The following RTF1 variants were observed in gnomAD, a reference collection of about 807,000 sequenced individuals.
The protein encoded by RTF1 is RTF1 homolog, Paf1/RNA polymerase II complex component, also known as RNA polymerase-associated protein RTF1 homolog.
Under a neutral mutation model 95.7 loss-of-function variants are expected in RTF1, and 10 were observed. The ratio of observed to expected loss-of-function variants is 0.10; its 90% CI spans 0.06 to 0.18. The LOEUF (loss-of-function observed/expected upper bound fraction) is 0.18, where lower values mean the gene tolerates loss of function less well. Among genes scored for constraint, RTF1 ranks in the 10% least tolerant of loss-of-function variants. The pLI is 1.00. For missense variants in RTF1, 458 were observed against 875.6 expected (o/e 0.52, Z 6.02); for synonymous variants, 305 against 311.8 (o/e 0.98, Z 0.23).
At chr15:41,464,711 T>C in intron 4 of RTF1, 60 bp from the exon 5 acceptor site, 1 of 1,403,564 alleles carries the variant, frequency 7.1e-7, no homozygotes. Context: ...TCCTATCTAA[T>C]AGAAATCAGT....
At chr15:41,447,084 T>C (rs1369614008) in intron 2 of RTF1, among the ~76,000 whole-genome samples, 3 of 152,168 alleles carry the variant, frequency 2.0e-5, no homozygotes, top group Non-Finnish European at 4.4e-5. Context: ...ATTACAGGCA[T>C]GAGCCACCAC....
At position 41,482,558 on chromosome 15, in the gene RTF1, A is replaced by T. The variant is rs1217133118; in HGVS notation, c.*1871A>T. 1 of 152,516 alleles carries T rather than the reference A, an allele frequency of 6.6e-6. No individual in the cohort carries two copies. The highest frequency in any genetic ancestry group is 1.5e-5 in the Non-Finnish European group (1 of 68,036). The allele number at this position is 152,516 out of a possible 1,614,324, so 9.4% of individuals were successfully genotyped here. ...CTTTTTTTTTATTTTTAAAGCAGCA[A>T]TGGATGGTTTTAAAGGAGTATTATG... On this transcript the variant is annotated 3_prime_UTR_variant, in exon 18 of 18. Coordinates refer to ENST00000389629, the MANE Select transcript of RTF1 (RefSeq NM_015138.5).
At chr15:41,459,081 AAAAT>A (rs1253849097) in intron 4 of RTF1, among the ~76,000 whole-genome samples, 1 of 147,676 alleles carries the variant, frequency 6.8e-6, no homozygotes, top group Non-Finnish European at 1.5e-5. Flanking sequence ...CAAAAAATAA[AAAAT>A]AAAGGGAATT....
chr15:41,475,498 T>G (rs768787589), intron 9 of RTF1, 27 bp from the exon 10 acceptor site: 6 of 1,591,374 alleles, frequency 3.8e-6, no homozygotes, highest in Non-Finnish European at 4.3e-6. Flanking sequence ...GCACATTTCT[T>G]GGAGATGCTG....
chr15:41,446,378 A>G (rs1391988772), intron 2 of RTF1, among the ~76,000 whole-genome samples: 4 of 151,896 alleles, frequency 2.6e-5, no homozygotes, highest in African/African-American at 4.8e-5. Context: ...AGACCATCCT[A>G]ACCCAGTGAA....
At chr15:41,439,815 C>G (rs1486604092) in intron 2 of RTF1, among the ~76,000 whole-genome samples, 1 of 152,020 alleles carries the variant, frequency 6.6e-6, no homozygotes, top group Admixed American at 6.6e-5. Flanking sequence ...CAGTGCCCGG[C>G]TGATTTTTGT....
chr15:41,475,482 C>T (rs1258219774), intron 9 of RTF1, 43 bp from the exon 10 acceptor site: 1 of 1,523,974 alleles, frequency 6.6e-7, no homozygotes, highest in South Asian at 1.1e-5. Context: ...GTACTACAGT[C>T]AACATGCACA....
intron 1 of RTF1, among the ~76,000 whole-genome samples, chr15:41,431,673 A>AT (rs1002948249): frequency 1.5e-4 from 23 of 151,562 alleles, no homozygotes; most frequent in African/African-American, 3.4e-4. Flanking sequence ...GAGTTTTTGG[A>AT]TTTTTTGTAC....
At chr15:41,452,779 G>C in intron 2 of RTF1, 122 bp from the exon 3 acceptor site, 1 of 702,584 alleles carries the variant, frequency 1.4e-6, no homozygotes, top group Non-Finnish European at 2.1e-6. Context: ...TTTTTCATAT[G>C]AAGTGTATTT....
rs1244779367 is a variant in RTF1, at chr15:41,464,767, C to G, written c.663-4C>G. On this transcript the variant is annotated splice_region_variant and splice_polypyrimidine_tract_variant and intron_variant, in intron 4 of 17. Transcript: ENST00000389629. ...TACTTAAAAACCAAATATCTTTTAACCAGATTTGAAATCAAGAAAAAACTA... is the reference window on the plus strand; with the variant it reads ...TACTTAAAAACCAAATATCTTTTAAGCAGATTTGAAATCAAGAAAAAACTA... 6.4e-7 allele frequency: 1 copy of G among 1,552,300 alleles called. No homozygotes were observed. Among genetic ancestry groups the G allele is most frequent in the East Asian group, 2.3e-5 (1 of 44,352 alleles).
At chr15:41,455,090 C>T (rs538416167) in intron 3 of RTF1, among the ~76,000 whole-genome samples, 25 of 151,566 alleles carry the variant, frequency 1.6e-4, no homozygotes, top group African/African-American at 3.6e-4. Context: ...CCAAGGCAGG[C>T]GGATCACAAG....
chr15:41,441,576 G>A (rs568615703), intron 2 of RTF1, among the ~76,000 whole-genome samples: 27 of 152,128 alleles, frequency 1.8e-4, no homozygotes, highest in African/African-American at 6.3e-4. Flanking sequence ...TTGTGTTAGA[G>A]GAGATCCACA....
At chr15:41,458,296 T>C (rs1203545737) in intron 4 of RTF1, among the ~76,000 whole-genome samples, 2 of 152,158 alleles carry the variant, frequency 1.3e-5, no homozygotes, top group Admixed American at 6.6e-5. Flanking sequence ...CACAGAGATA[T>C]GCACTAAATA....
intron 1 of RTF1, among the ~76,000 whole-genome samples, chr15:41,426,086 C>T (rs1390963978): frequency 1.3e-5 from 2 of 151,514 alleles, no homozygotes; most frequent in Non-Finnish European, 2.9e-5. Flanking sequence ...AGTTTGAGAT[C>T]AGCCTAGGCA....
chr15:41,472,480 T>C (rs1566848802), intron 8 of RTF1, among the ~76,000 whole-genome samples: 3 of 152,098 alleles, frequency 2.0e-5, no homozygotes, highest in African/African-American at 7.2e-5. Context: ...GTGCTGGGAT[T>C]ATTGACATGA....
rs199559371 is a variant in RTF1, at chr15:41,478,530, G to A, written c.1741-18G>A. The A allele has an allele frequency of 6.2e-6, 10 of 1,609,802 alleles. No homozygotes were observed. Among genetic ancestry groups the A allele is most frequent in the South Asian group, 1.1e-5 (1 of 90,990 alleles). Reference sequence around the variant, plus strand: ...GGGGCTGGAGGTGCAGTTCTGTGGTGCATGCTTTCTGTTTCAGGCTGAAAG... The same window carrying A: ...GGGGCTGGAGGTGCAGTTCTGTGGTACATGCTTTCTGTTTCAGGCTGAAAG... On this transcript the variant is annotated intron_variant, in intron 14 of 17. Transcript: ENST00000389629.
At chr15:41,468,538 T>C (rs141874396) in intron 6 of RTF1, among the ~76,000 whole-genome samples, 4,767 of 152,134 alleles carry the variant, frequency 0.031, 103 homozygotes, top group Middle Eastern at 0.082. Context: ...AGGATGGTCT[T>C]GATCTCCTGA....
At chr15:41,476,361 G>A (rs752056885) in intron 11 of RTF1, 85 bp from the exon 12 acceptor site, 8 of 1,042,390 alleles carry the variant, frequency 7.7e-6, no homozygotes, top group African/African-American at 3.1e-5. Context: ...GTAACTAGCT[G>A]TTTGCATCCA....
intron 1 of RTF1, among the ~76,000 whole-genome samples, chr15:41,424,719 A>G (rs2050619803): frequency 6.6e-6 from 1 of 152,192 alleles, no homozygotes; most frequent in African/African-American, 2.4e-5. Flanking sequence ...TAAAAAGAGA[A>G]AAGTTTTTTG....
Sources: allele counts gnomAD v4.1 joint callset (sites outside exome capture counted in the v4.1 genomes callset), GRCh38; gene constraint gnomAD v4.1.1; transcripts MANE v1.5; gene names NCBI Gene and HGNC (gene_info 2026-07-23, HGNC 2026-07-21).